The following CEP57L1 variants were observed in gnomAD, a reference collection of about 807,000 sequenced individuals.
CEP57L1 encodes centrosomal protein CEP57L1.
CEP57L1 carries 37 observed loss-of-function variants against 61.0 expected under a neutral mutation model. That is an observed-to-expected ratio of 0.61 (90% CI 0.47 to 0.80). The LOEUF (loss-of-function observed/expected upper bound fraction) is 0.80, where lower values mean the gene tolerates loss of function less well. Among genes scored for constraint, CEP57L1 ranks in the 30% least tolerant of loss-of-function variants. CEP57L1 has a pLI of 0.00. For missense variants in CEP57L1, 422 were observed against 524.7 expected (o/e 0.80, Z 1.91); for synonymous variants, 137 against 162.3 (o/e 0.84, Z 1.19).
intron 1 of CEP57L1, among the ~76,000 whole-genome samples, chr6:109,142,981 C>G (rs904854838): frequency 6.8e-6 from 1 of 146,048 alleles, no homozygotes. Flanking sequence ...CTCTCTCTCT[C>G]TCTCTCTCTC....
At chr6:109,109,910 G>A (rs567885355) in intron 1 of CEP57L1, among the ~76,000 whole-genome samples, 4 of 152,256 alleles carry the variant, frequency 2.6e-5, no homozygotes, top group South Asian at 2.1e-4. Context: ...TGGTGTATAC[G>A]TGCCACATTT....
At chr6:109,144,752 T>C (rs1253357029) in intron 1 of CEP57L1, among the ~76,000 whole-genome samples, 1 of 152,106 alleles carries the variant, frequency 6.6e-6, no homozygotes, top group Non-Finnish European at 1.5e-5. Context: ...AAATTACCCT[T>C]GAAAATCCCT....
chr6:109,095,169 C>T (rs1379389685), upstream of CEP57L1: 1 of 985,534 alleles, frequency 1.0e-6, no homozygotes, highest in Non-Finnish European at 1.2e-6. Flanking sequence ...GGCCAAGCGC[C>T]CCCGGAGGCG....
At chr6:109,114,826 A>G (rs1482025686) in intron 1 of CEP57L1, among the ~76,000 whole-genome samples, 4 of 152,132 alleles carry the variant, frequency 2.6e-5, no homozygotes, top group African/African-American at 9.7e-5. Flanking sequence ...TTATATTTCA[A>G]AATAGCTAAA....
chr6:109,141,770 AAG>A (rs1276473641), intron 1 of CEP57L1, among the ~76,000 whole-genome samples: 2 of 152,106 alleles, frequency 1.3e-5, no homozygotes, highest in Admixed American at 6.5e-5. Context: ...TAAAAAATAA[AAG>A]AGTTAGTCCA....
chr6:109,117,845 G>A (rs1024046508), intron 1 of CEP57L1, among the ~76,000 whole-genome samples: 10 of 152,150 alleles, frequency 6.6e-5, no homozygotes, highest in Non-Finnish European at 1.2e-4. Context: ...CTTACATTTC[G>A]ACATCATAGG....
intron 1 of CEP57L1, among the ~76,000 whole-genome samples, chr6:109,118,098 C>T (rs577354081): frequency 2.0e-5 from 3 of 152,318 alleles, no homozygotes; most frequent in Non-Finnish European, 2.9e-5. Context: ...TGCAGTGGCA[C>T]GGTCTCGGCT....
chr6:109,137,364 C>T (rs1042078095), intron 1 of CEP57L1, among the ~76,000 whole-genome samples: 3 of 151,968 alleles, frequency 2.0e-5, no homozygotes, highest in African/African-American at 4.8e-5. Flanking sequence ...TGCGGTGGCC[C>T]CATCTCGGCT....
intron 1 of CEP57L1, among the ~76,000 whole-genome samples, chr6:109,133,263 G>T (rs1774405252): frequency 6.6e-6 from 1 of 152,126 alleles, no homozygotes; most frequent in African/African-American, 2.4e-5. Context: ...GTTTGGGGAT[G>T]AAACAGTTTC....
intron 4 of CEP57L1, 138 bp from the exon 5 acceptor site, chr6:109,153,695 A>C: frequency 1.6e-6 from 1 of 640,886 alleles, no homozygotes. Context: ...TAAGCATCTA[A>C]AGTATGTGTG....
At chr6:109,159,236 T>C in intron 8 of CEP57L1, 33 bp from the exon 9 acceptor site, 1 of 1,614,114 alleles carries the variant, frequency 6.2e-7, no homozygotes, top group South Asian at 1.1e-5. Context: ...TGCAAGCTGT[T>C]CTGTGAATGC....
At chr6:109,141,484 C>G (rs1360542318) in intron 1 of CEP57L1, among the ~76,000 whole-genome samples, 1 of 151,984 alleles carries the variant, frequency 6.6e-6, no homozygotes, top group Non-Finnish European at 1.5e-5. Flanking sequence ...AAGTGTTTCC[C>G]CAATTTTTCT....
rs60148261 is a variant in CEP57L1, at chr6:109,170,867, AC to A, written c.*7899del. 0.12 allele frequency among the ~76,000 whole-genome samples: 18,945 copies of A among 152,220 alleles called. 1,321 individuals carry two copies. Among genetic ancestry groups the A allele is most frequent in the Middle Eastern group, 0.21 (63 of 294 alleles). ...ATTGCCTTCATTTTCCCTGAAATGA[AC>A]CAAGCTACCAATTTAAAGCTGGGAA... On this transcript the variant is annotated 3_prime_UTR_variant, in exon 11 of 11. Coordinates refer to ENST00000517392, the MANE Select transcript of CEP57L1 (RefSeq NM_001271852.3).
At chr6:109,143,092 C>T (rs1460395846) in intron 1 of CEP57L1, among the ~76,000 whole-genome samples, 1 of 151,808 alleles carries the variant, frequency 6.6e-6, no homozygotes, top group Non-Finnish European at 1.5e-5. Context: ...TAACATCTTA[C>T]ACAAAGCAGG....
chr6:109,141,784 C>A (rs573297830), intron 1 of CEP57L1, among the ~76,000 whole-genome samples: 1 of 151,958 alleles, frequency 6.6e-6, no homozygotes, highest in Non-Finnish European at 1.5e-5. Context: ...GTTAGTCCAG[C>A]CTTACTGTGT....
At chr6:109,140,861 C>T (rs777323458) in intron 1 of CEP57L1, among the ~76,000 whole-genome samples, 5 of 151,312 alleles carry the variant, frequency 3.3e-5, no homozygotes, top group East Asian at 2.0e-4. Context: ...GATGGATTCT[C>T]GCTCTGTTGC....
chr6:109,160,433 C>G, intron 9 of CEP57L1, 139 bp from the exon 10 acceptor site: 2 of 603,102 alleles, frequency 3.3e-6, no homozygotes, highest in Admixed American at 3.7e-5. Context: ...TTAATTAACC[C>G]TAAAGAAAGA....
chr6:109,108,007 A>C (rs1420036967), intron 1 of CEP57L1, among the ~76,000 whole-genome samples: 1 of 152,112 alleles, frequency 6.6e-6, no homozygotes, highest in South Asian at 2.1e-4. Flanking sequence ...GAATTTTAGA[A>C]ATGTATGAAA....
Position 109,146,840 on chromosome 6 carries a change from C to T in CEP57L1, c.243C>T (p.Asn81=). Residue 81 remains asparagine, a synonymous_variant, in exon 3 of 11, where the codon AAC becomes AAT. Transcript: ENST00000517392. The part of the protein sequence containing the change: ...LERTQAEDNL[N]ILSREAAQYK... ...GAACACAAGCTGAAGATAACCTGAACATTCTTTCCAGAGAAGCAGCACAGT... is the reference window on the plus strand; with the variant it reads ...GAACACAAGCTGAAGATAACCTGAATATTCTTTCCAGAGAAGCAGCACAGT... The T allele has an allele frequency of 6.2e-7, 1 of 1,610,492 alleles. No individual in the cohort carries two copies. Among genetic ancestry groups the T allele is most frequent in the Non-Finnish European group, 8.5e-7 (1 of 1,178,226 alleles).
Sources: gnomAD v4.1 joint callset for allele counts (sites outside exome capture counted in the v4.1 genomes callset) on GRCh38, gnomAD v4.1.1 for gene constraint, MANE v1.5 for transcripts, NCBI Gene and HGNC (gene_info 2026-07-23, HGNC 2026-07-21) for gene names.